DNAH6: variants seen among roughly 807,000 people sequenced by gnomAD.
DNAH6 encodes the protein axonemal beta dynein heavy chain 6.
A neutral mutation model predicts 491.4 loss-of-function variants in DNAH6; 340 were observed. The observed-to-expected ratio is 0.69, with a 90% CI of 0.63 to 0.76. The LOEUF is 0.76. Ranked by LOEUF, DNAH6 falls within the 30% of genes least tolerant of loss-of-function variation. The probability of loss-of-function intolerance (pLI) is 0.00; values close to 1 mark genes in which losing one functional copy is unlikely to be tolerated. For missense variants in DNAH6, 4,443 were observed against 4,972.2 expected (o/e 0.89, Z 3.20); for synonymous variants, 1,603 against 1,686.1 (o/e 0.95, Z 1.21).
intron 63 of DNAH6, among the ~76,000 whole-genome samples, chr2:84,758,624 C>A (rs990026415): frequency 6.6e-6 from 1 of 152,012 alleles, no homozygotes; most frequent in African/African-American, 2.4e-5. Flanking sequence ...TCCAGGGATG[C>A]AAGGATGATT....
At chr2:84,624,151 C>A in intron 26 of DNAH6, 114 bp from the exon 27 acceptor site, 1 of 952,384 alleles carries the variant, frequency 1.0e-6, no homozygotes. Context: ...ATTATAGATT[C>A]TTAAAATTAG....
intron 11 of DNAH6, among the ~76,000 whole-genome samples, chr2:84,563,461 G>A (rs1030731984): frequency 2.0e-5 from 3 of 152,028 alleles, no homozygotes; most frequent in African/African-American, 4.8e-5. Context: ...ATCTCATCGT[G>A]GTTTTGATTT....
chr2:84,718,534 C>T, intron 59 of DNAH6, 150 bp downstream of exon 59: 4 of 529,106 alleles, frequency 7.6e-6, no homozygotes, highest in South Asian at 4.9e-5. Flanking sequence ...CCTGTCAGGG[C>T]TCCTTGCCAA....
chr2:84,566,456 A>G (rs1681201554), intron 11 of DNAH6, among the ~76,000 whole-genome samples: 1 of 152,078 alleles, frequency 6.6e-6, no homozygotes, highest in South Asian at 2.1e-4. Context: ...AGACACAAAA[A>G]TAGGCTTGGA....
At chr2:84,509,125 T>A in the DNAH6 span, among the ~76,000 whole-genome samples, 1 of 152,200 alleles carries the variant, frequency 6.6e-6, no homozygotes, top group African/African-American at 2.4e-5. Flanking sequence ...GATATCCTTG[T>A]TAACTTTCTG....
At chr2:84,629,253 G>A (rs1558821250) in intron 29 of DNAH6, among the ~76,000 whole-genome samples, 1 of 152,128 alleles carries the variant, frequency 6.6e-6, no homozygotes, top group Non-Finnish European at 1.5e-5. Flanking sequence ...CAGGTGAATG[G>A]GTGCCTGGTT....
chr2:84,552,953 A>G lies in DNAH6; in HGVS notation c.1521A>G (p.Glu507=). 1 of 1,610,844 alleles carries G rather than the reference A, an allele frequency of 6.2e-7. No homozygotes were observed. The highest frequency in any genetic ancestry group is 1.1e-5 in the South Asian group (1 of 90,644). ...TLMVEKQEED[E]SLIPMFLTEL... is the part of the protein sequence containing the mutation. Reference sequence around the variant, plus strand: ...TGGTGGAAAAGCAAGAAGAAGATGAATCTCTCATCCCCATGTTTCTCACAG... The same window carrying G: ...TGGTGGAAAAGCAAGAAGAAGATGAGTCTCTCATCCCCATGTTTCTCACAG... Residue 507 remains glutamate, a synonymous_variant, in exon 10 of 77, where the codon GAA becomes GAG. Transcript: ENST00000389394.
the DNAH6 span, among the ~76,000 whole-genome samples, chr2:84,461,697 A>T: frequency 6.6e-6 from 1 of 152,222 alleles, no homozygotes; most frequent in Non-Finnish European, 1.5e-5. Context: ...TCATTAAAGA[A>T]CTGTCTTTTT....
At chr2:84,608,641 T>A (rs1210863405) in intron 21 of DNAH6, among the ~76,000 whole-genome samples, 1 of 152,196 alleles carries the variant, frequency 6.6e-6, no homozygotes, top group Non-Finnish European at 1.5e-5. Flanking sequence ...ACAGATGTGC[T>A]GTCACACAGG....
At chr2:84,700,500 G>A (rs779262357) in intron 48 of DNAH6, among the ~76,000 whole-genome samples, 12 of 152,196 alleles carry the variant, frequency 7.9e-5, no homozygotes, top group Non-Finnish European at 1.6e-4. Context: ...AGAATCCGGT[G>A]TGAAATACTC....
At chr2:84,551,441 T>C (rs1679355559) in intron 9 of DNAH6, among the ~76,000 whole-genome samples, 1 of 152,246 alleles carries the variant, frequency 6.6e-6, no homozygotes, top group Admixed American at 6.5e-5. Context: ...TCCCTTGCTT[T>C]TTCCTCTTAG....
At chr2:84,509,953 C>T in the DNAH6 span, among the ~76,000 whole-genome samples, 1 of 152,232 alleles carries the variant, frequency 6.6e-6, no homozygotes, top group Admixed American at 6.5e-5. Context: ...AGCTGTTAGT[C>T]TGATGGGCTT....
intron 5 of DNAH6, 57 bp downstream of exon 5, chr2:84,544,557 A>T (rs949282078): frequency 1.9e-6 from 2 of 1,027,072 alleles, no homozygotes; most frequent in Admixed American, 2.6e-5. Flanking sequence ...GAAAGTGTGA[A>T]TCTATTAAGC....
intron 4 of DNAH6, among the ~76,000 whole-genome samples, chr2:84,531,781 A>AT (rs1677199167): frequency 2.6e-5 from 4 of 152,098 alleles, no homozygotes; most frequent in African/African-American, 4.8e-5. Context: ...GAGAGAATTC[A>AT]TTTTTTTAAG....
At chr2:84,600,364 T>TGTCA (rs1391277245) in intron 18 of DNAH6, among the ~76,000 whole-genome samples, 1 of 152,180 alleles carries the variant, frequency 6.6e-6, no homozygotes, top group Non-Finnish European at 1.5e-5. Context: ...AATGTACCAA[T>TGTCA]GTCAATACGT....
intron 12 of DNAH6, among the ~76,000 whole-genome samples, chr2:84,575,886 A>G (rs1250028256): frequency 6.6e-6 from 1 of 152,222 alleles, no homozygotes; most frequent in Non-Finnish European, 1.5e-5. Flanking sequence ...TCCGTCTCAA[A>G]AAAAAAGGAG....
chr2:84,588,412 AT>A (rs1229126654), intron 15 of DNAH6, among the ~76,000 whole-genome samples: 2 of 152,108 alleles, frequency 1.3e-5, no homozygotes, highest in Admixed American at 1.3e-4. Flanking sequence ...TATATTTTTC[AT>A]TTTCTCTCTT....
intron 50 of DNAH6, 129 bp downstream of exon 50, chr2:84,703,691 G>GTTTTT (rs11424668): frequency 2.0e-5 from 14 of 683,200 alleles, no homozygotes; most frequent in South Asian, 4.2e-5. Flanking sequence ...ATTTAGCAAA[G>GTTTTT]TTTTTTTTTT....
chr2:84,562,270 A>G (rs964470928), intron 11 of DNAH6, among the ~76,000 whole-genome samples: 1 of 152,144 alleles, frequency 6.6e-6, no homozygotes, highest in African/African-American at 2.4e-5. Flanking sequence ...AAAGAAGCAC[A>G]CATATAACCA....
Sources: allele counts gnomAD v4.1 joint callset (sites outside exome capture counted in the v4.1 genomes callset), GRCh38; gene constraint gnomAD v4.1.1; transcripts MANE v1.5; gene names NCBI Gene and HGNC (gene_info 2026-07-23, HGNC 2026-07-21).